The following DCTN1 variants were observed in gnomAD, a reference collection of about 807,000 sequenced individuals.
DCTN1 encodes dynactin subunit 1.
A neutral mutation model predicts 161.2 loss-of-function variants in DCTN1; 61 were observed. The ratio of observed to expected loss-of-function variants is 0.38; its 90% CI spans 0.31 to 0.47. The LOEUF is 0.47. DCTN1 is among the 20% of genes least tolerant of loss of function. DCTN1 has a pLI of 0.99. For synonymous variants in DCTN1, 653 were observed against 632.4 expected, an observed-to-expected ratio of 1.03 and a Z score of -0.49; for missense variants, 1,404 against 1,623.7, an observed-to-expected ratio of 0.86 and a Z score of 2.33.
intron 1 of DCTN1, chr2:74,390,681 T>C: frequency 2.2e-6 from 1 of 452,780 alleles, no homozygotes; most frequent in Non-Finnish European, 4.6e-6. Flanking sequence ...ATACTTTTGC[T>C]ACTCAGATTG....
At chr2:74,368,307 A>G (rs1241203515) in intron 16 of DCTN1, 176 bp from the exon 17 acceptor site, 20 of 816,680 alleles carry the variant, frequency 2.4e-5, no homozygotes, top group Non-Finnish European at 3.6e-5. Flanking sequence ...TAGTGATGTG[A>G]TTACTGGAGG....
In DCTN1 at chr2:74,363,128, G is replaced by C. The variant is rs1308509244; in HGVS notation, c.3395C>G (p.Ala1132Gly). ...SLASLPPLHV[A>G]KLSHEGPGSE... ...GCCAGGGCCCTCATGGGATAGCTTTGCAACATGCAGAGGGGGCAGGGATGC... is the reference window on the plus strand; with the variant it reads ...GCCAGGGCCCTCATGGGATAGCTTTCCAACATGCAGAGGGGGCAGGGATGC... The change falls in exon 29 of 32, where the codon GCA (alanine) becomes GGA (glycine). Residue 1132 changes from alanine to glycine, a missense_variant. Ala to Gly is a moderately conservative substitution (Grantham distance 60, BLOSUM62 0). Around this residue, in one of 9 missense-constraint regions of DCTN1, gnomAD observed 311 missense variants for 298.9 expected, o/e 1.04. Coordinates refer to ENST00000628224, the MANE Select transcript of DCTN1 (RefSeq NM_004082.5). 1 of 1,614,092 alleles carries C rather than the reference G, an allele frequency of 6.2e-7. No individual in the cohort carries two copies. Among genetic ancestry groups the C allele is most frequent in the Non-Finnish European group, 8.5e-7 (1 of 1,179,978 alleles).
Position 74,370,372 on chromosome 2 carries a change from G to A in DCTN1, c.1128-27C>T. The stretch of plus-strand genomic sequence containing the variant: ...TGCAGGGATGTGAGGAAGGCAGAAG[G>A]AGGAAAGCACGTGTCAGAGTCTCTG... On this transcript the variant is annotated intron_variant, in intron 11 of 31. Coordinates refer to ENST00000628224, the MANE Select transcript of DCTN1 (RefSeq NM_004082.5). This position sits in a 1 kb window ranked among gnomAD's most constrained non-coding sequence, Gnocchi z 4.4. 1 of 1,614,022 alleles carries A rather than the reference G, an allele frequency of 6.2e-7. No homozygotes were observed.
At chr2:74,390,699 T>C (rs1271192978) in intron 1 of DCTN1, 2 of 442,480 alleles carry the variant, frequency 4.5e-6, no homozygotes, top group East Asian at 1.4e-4. Context: ...TTGTGTTCCA[T>C]GGGCCAGCAG....
chr2:74,379,769 G>A (rs2103733840), intron 1 of DCTN1, among the ~76,000 whole-genome samples: 1 of 152,270 alleles, frequency 6.6e-6, no homozygotes, highest in East Asian at 1.9e-4. Flanking sequence ...CTGGTATGAG[G>A]GCCAATTAGA....
At position 74,363,147 on chromosome 2, in the gene DCTN1, G is replaced by C. The variant is rs1259635783; in HGVS notation, c.3376C>G (p.Leu1126Val). 2 of 1,614,142 alleles carry C rather than the reference G, an allele frequency of 1.2e-6. No individual in the cohort carries two copies. The highest frequency in any genetic ancestry group is 1.3e-5 in the African/African-American group (1 of 75,042). The change falls in exon 29 of 32, where the codon CTG (leucine) becomes GTG (valine). Residue 1126 changes from leucine (L) to valine (V), a missense_variant. Around this residue, in one of 9 missense-constraint regions of DCTN1, gnomAD observed 311 missense variants for 298.9 expected, o/e 1.04. Transcript: ENST00000628224. ...GAQMKASLAS[L>V]PPLHVAKLSH... ...AGCTTTGCAACATGCAGAGGGGGCAGGGATGCCAAGGATGCCTTCATCTGG... is the reference window on the plus strand; with the variant it reads ...AGCTTTGCAACATGCAGAGGGGGCACGGATGCCAAGGATGCCTTCATCTGG...
chr2:74,391,091 C>T (rs1044063655), intron 1 of DCTN1: 1 of 152,960 alleles, frequency 6.5e-6, no homozygotes, highest in Non-Finnish European at 1.5e-5. Context: ...ATCATTATCT[C>T]TTTTAACATC....
chr2:74,366,027 T>A lies in DCTN1; in HGVS notation c.2761-9A>T, dbSNP rs1674380399. On this transcript the variant is annotated splice_polypyrimidine_tract_variant and intron_variant, in intron 23 of 31. Transcript: ENST00000628224. The stretch of plus-strand genomic sequence containing the variant: ...AGTTCAACCGGTGGAGGCTAAGGAA[T>A]GGTCGGTAGGGGGTGAGAAAGTGAG... 6.2e-7 allele frequency: 1 copy of A among 1,614,104 alleles called. No homozygotes were observed. The highest frequency in any genetic ancestry group is 1.3e-5 in the African/African-American group (1 of 74,950).
chr2:74,385,098 A>G (rs1675671277), upstream of DCTN1: 2 of 151,922 alleles, frequency 1.3e-5, no homozygotes, highest in South Asian at 4.2e-4. Flanking sequence ...CACTCAACGG[A>G]CTTCCTTCCC....
Position 74,368,855 on chromosome 2 carries a change from A to G in DCTN1, c.1727T>C (p.Met576Thr), listed in dbSNP as rs2103640952. The G allele has an allele frequency of 6.2e-7, 1 of 1,614,250 alleles. No homozygotes were observed. Among genetic ancestry groups the G allele is most frequent in the South Asian group, 1.1e-5 (1 of 91,088 alleles). ...AKAIEMELRQMEVAQANRHMS... is the reference protein window; with the variant it reads ...AKAIEMELRQTEVAQANRHMS... ...GTGTCGATTGGCCTGGGCCACCTCC[A>G]TCTGCCTCAATTCCATCTCAATTGC... is the stretch of plus-strand genomic sequence containing the variant. The change falls in exon 16 of 32, where the codon ATG (methionine) becomes ACG (threonine). Residue 576 changes from methionine (M) to threonine (T), a missense_variant. Coordinates refer to ENST00000628224, the MANE Select transcript of DCTN1 (RefSeq NM_004082.5).
At position 74,361,229 on chromosome 2, in the gene DCTN1, G is replaced by T; in HGVS notation, c.*270C>A. 1 of 605,730 alleles carries T rather than the reference G, an allele frequency of 1.7e-6. No individual in the cohort carries two copies. The highest frequency in any genetic ancestry group is 3.1e-6 in the Non-Finnish European group (1 of 324,568). 37.5% of individuals were successfully genotyped at this position (605,730 alleles called of 1,614,324 possible). A position where few individuals can be genotyped will look rare whatever the true frequency, so the allele number is the denominator to read the frequency against. On this transcript the variant is annotated 3_prime_UTR_variant, in exon 32 of 32. Transcript: ENST00000628224. ...GGACCTCACTTAACCTTTGGTGGTG[G>T]GGTCTCAGCCTACCCCCCACAAGCC... is the stretch of plus-strand genomic sequence containing the variant.
chr2:74,369,209 C>T lies in DCTN1; in HGVS notation c.1590G>A (p.Val530=). 1 of 1,614,196 alleles carries T rather than the reference C, an allele frequency of 6.2e-7. No homozygotes were observed. Among genetic ancestry groups the T allele is most frequent in the Non-Finnish European group, 8.5e-7 (1 of 1,180,028 alleles). Residue 530 remains valine (V), a synonymous_variant, in exon 15 of 32, where the codon GTG becomes GTA. Coordinates refer to ENST00000628224, the MANE Select transcript of DCTN1 (RefSeq NM_004082.5). This position sits in a 1 kb window ranked among gnomAD's most constrained non-coding sequence, Gnocchi z 4.9. ...CCTGCTGGTTTGTCAGTTCCCGATT[C>T]ACATCCTAGGAGGAGAGACAGTGAA... ...YRQLTAHLQD[V]NRELTNQQEA...
intron 5 of DCTN1, chr2:74,374,617 C>T (rs1308412373): frequency 2.0e-5 from 25 of 1,247,368 alleles, no homozygotes; most frequent in East Asian, 1.8e-4. Context: ...CGGCAGGCAC[C>T]GGAGCGGTGC....
In DCTN1 at chr2:74,369,257, C is replaced by T; in HGVS notation, c.1584+43G>A. ...GAAGCACAGCTGGGTCATAAGGAAG[C>T]CCTGGGGTGATGGTGGGCAGAGAGC... On this transcript the variant is annotated intron_variant, in intron 14 of 31. Transcript: ENST00000628224. The surrounding 1 kb of genome is among the most constrained non-coding windows in gnomAD (Gnocchi z 4.9). The T allele has an allele frequency of 6.2e-7, 1 of 1,614,172 alleles. No individual in the cohort carries two copies.
intron 6 of DCTN1, 156 bp downstream of exon 6, chr2:74,374,167 T>A (rs1311027447): frequency 4.0e-6 from 3 of 746,356 alleles, no homozygotes; most frequent in East Asian, 5.6e-5. Flanking sequence ...TGGGGCATAG[T>A]GGTGACACAC....
chr2:74,365,467 A>G (rs768123812), intron 25 of DCTN1, 48 bp downstream of exon 25: 2 of 1,613,946 alleles, frequency 1.2e-6, no homozygotes, highest in Non-Finnish European at 1.7e-6. Flanking sequence ...AGAGAGCTCC[A>G]GCAGTGGGAG....
In DCTN1 at chr2:74,369,449, G is replaced by A. The variant is rs1558940606; in HGVS notation, c.1435C>T (p.Arg479Cys). The A allele has an allele frequency of 6.2e-7, 1 of 1,614,080 alleles. No homozygotes were observed. The highest frequency in any genetic ancestry group is 1.3e-5 in the African/African-American group (1 of 75,026). ...TCCCGCAGCTCCAGTTCTGTCTCAC[G>A]TGCATTCTCCTGCAGCTCATCGTTC... ...EMNDELQENA[R>C]ETELELREQL... Residue 479 changes from arginine to cysteine, a missense_variant, in exon 14 of 32, where the codon CGT becomes TGT. By Grantham distance (180) the Arg-to-Cys change is radical. Transcript: ENST00000628224. The surrounding 1 kb of genome is among the most constrained non-coding windows in gnomAD (Gnocchi z 4.9).
chr2:74,382,938 G>T (rs1399257754), upstream of DCTN1, among the ~76,000 whole-genome samples: 1 of 151,646 alleles, frequency 6.6e-6, no homozygotes, highest in Non-Finnish European at 1.5e-5. Flanking sequence ...AGCCGGGCGC[G>T]GTGGCGGGCG....
In DCTN1 at chr2:74,366,944, A is replaced by G; in HGVS notation, c.2317-12T>C. 1 of 1,614,204 alleles carries G rather than the reference A, an allele frequency of 6.2e-7. No individual in the cohort carries two copies. The highest frequency in any genetic ancestry group is 8.5e-7 in the Non-Finnish European group (1 of 1,180,032). On this transcript the variant is annotated splice_polypyrimidine_tract_variant and intron_variant, in intron 20 of 31. Transcript: ENST00000628224. ...GCCTCCTGCCCACCCTACTCAGGAA[A>G]AAGAAAATGGATGGAGAACCAAGTT...
Sources: gnomAD v4.1 joint callset for allele counts (sites outside exome capture counted in the v4.1 genomes callset) on GRCh38, gnomAD v4.1.1 for gene constraint, gnomAD v4.1.1 regional missense constraint, Gnocchi (gnomAD v3.1) non-coding constraint, MANE v1.5 for transcripts, NCBI Gene and HGNC (gene_info 2026-07-23, HGNC 2026-07-21) for gene names.